Variants in COPE observed in about 807,000 individuals in gnomAD.
The protein encoded by COPE is coatomer subunit epsilon.
COPE carries 19 observed loss-of-function variants against 42.1 expected under a neutral mutation model. That is an observed-to-expected ratio of 0.45 (90% CI 0.31 to 0.66). COPE has a LOEUF of 0.66. Among genes scored for constraint, COPE ranks in the 30% least tolerant of loss-of-function variants. COPE has a pLI of 0.05. For missense variants in COPE, 402 were observed against 416.1 expected, an observed-to-expected ratio of 0.97 and a Z score of 0.30; for synonymous variants, 195 against 181.3, an observed-to-expected ratio of 1.08 and a Z score of -0.60.
chr19:18,912,965 G>C lies in COPE; in HGVS notation c.189+19C>G, dbSNP rs749460373. On this transcript the variant is annotated intron_variant, in intron 2 of 9. Transcript: ENST00000262812. ...TACTCTGTTCATCACTCTTGCCCCC[G>C]GCCAAGGCCCGCACTCACCTGCGCC... 4.3e-6 allele frequency: 7 copies of C among 1,610,486 alleles called. No individual in the cohort carries two copies. Among genetic ancestry groups the C allele is most frequent in the African/African-American group, 2.7e-5 (2 of 74,888 alleles).
chr19:18,902,961 A>G (rs994166233), intron 7 of COPE, among the ~76,000 whole-genome samples: 9 of 151,652 alleles, frequency 5.9e-5, no homozygotes, highest in African/African-American at 2.2e-4. Flanking sequence ...AATACTGAGT[A>G]TGTACTCAGG....
chr19:18,917,373 T>C (rs769803577), intron 1 of COPE, among the ~76,000 whole-genome samples: 3 of 151,780 alleles, frequency 2.0e-5, no homozygotes, highest in African/African-American at 4.8e-5. Flanking sequence ...AATTTCTTTT[T>C]TCTTTTTTTT....
chr19:18,915,194 C>CA (rs1325141563), intron 1 of COPE, among the ~76,000 whole-genome samples: 29 of 152,036 alleles, frequency 1.9e-4, no homozygotes, highest in Non-Finnish European at 5.9e-5. Context: ...GCCTGGGTGA[C>CA]AGAGTGAGAC....
In COPE at chr19:18,907,019, G is replaced by T. The variant is rs11537886; in HGVS notation, c.384C>A (p.Leu128=). Residue 128 remains leucine, a synonymous_variant, in exon 4 of 10, where the codon CTC becomes CTA. Transcript: ENST00000262812. ...TFLLMAASIY[L]HDQNPDAALR... ...GGGCGGCATCCGGGTTCTGGTCGTGGAGATAGATGGAGGCGGCCATGAGCA... is the reference window on the plus strand; with the variant it reads ...GGGCGGCATCCGGGTTCTGGTCGTGTAGATAGATGGAGGCGGCCATGAGCA... 1,019 of 1,596,894 alleles carry T rather than the reference G, an allele frequency of 6.4e-4. 6 individuals are homozygous for T. The African/African-American group carries it at 0.012, about 19-fold the overall frequency.
rs777822797 is a variant in COPE at position 18,899,772 on chromosome 19, G to A, written c.880-46C>T. Reference sequence around the variant, plus strand: ...ACACAGGGTGGGGGCAGGGTGTGGGGAGACAGGTGGAGGGAGAGAGAGAGG... The same window carrying A: ...ACACAGGGTGGGGGCAGGGTGTGGGAAGACAGGTGGAGGGAGAGAGAGAGG... On this transcript the variant is annotated intron_variant, in intron 9 of 9. Coordinates refer to ENST00000262812, the MANE Select transcript of COPE (RefSeq NM_007263.4). The A allele has an allele frequency of 2.5e-6, 4 of 1,612,626 alleles. No homozygotes were observed. The African/African-American group carries it at 4.0e-5, about 16-fold the overall frequency.
rs184668009 is a variant in COPE at position 18,919,307 on chromosome 19, C to T, written c.42G>A (p.Gly14=). ...TTACGTCGAACAGCTCGTCTACCTCCCCGGAGCCGCCGGAGGCCGGGCCGG... is the reference window on the plus strand; with the variant it reads ...TTACGTCGAACAGCTCGTCTACCTCTCCGGAGCCGCCGGAGGCCGGGCCGG... The part of the protein sequence containing the change: ...PAPGPASGGS[G]EVDELFDVKN... The change falls in exon 1 of 10, where the codon GGG becomes GGA. Residue 14 remains glycine (G), a synonymous_variant. Transcript: ENST00000262812. 2 of 1,613,752 alleles carry T rather than the reference C, an allele frequency of 1.2e-6. No homozygotes were observed. Among genetic ancestry groups the T allele is most frequent in the East Asian group, 2.2e-5 (1 of 44,884 alleles).
intron 2 of COPE, among the ~76,000 whole-genome samples, chr19:18,911,586 C>T (rs1028018040): frequency 7.3e-5 from 11 of 151,708 alleles, no homozygotes; most frequent in Admixed American, 2.0e-4. Context: ...GAGTCTCGCT[C>T]TGTCGCCCAG....
At chr19:18,904,990 C>T (rs997801217) in intron 5 of COPE, 138 bp from the exon 6 acceptor site, 9 of 845,244 alleles carry the variant, frequency 1.1e-5, no homozygotes, top group Admixed American at 6.9e-5. Flanking sequence ...TCATACCCCA[C>T]GACTAAGTGC....
At position 18,905,972 on chromosome 19, in the gene COPE, G is replaced by C. The variant is rs1297186259; in HGVS notation, c.444-343C>G. The C allele has an allele frequency of 1.3e-5, 6 of 471,094 alleles. No homozygotes were observed. The East Asian group carries it at 2.1e-4, about 17-fold the overall frequency. The allele number at this position is 471,094 out of a possible 1,614,324, so 29.2% of individuals were successfully genotyped here. ...AACACTCAGGAACAAGGCCCTAGAG[G>C]AGGGCCACGCACCCGCCCCTGCACC... On this transcript the variant is annotated intron_variant, in intron 4 of 9. Transcript: ENST00000262812.
intron 4 of COPE, among the ~76,000 whole-genome samples, chr19:18,906,418 GAA>G (rs1416030802): frequency 6.6e-6 from 1 of 152,262 alleles, no homozygotes; most frequent in Non-Finnish European, 1.5e-5. Context: ...CAGCGACCAT[GAA>G]ATGCCCAGCT....
chr19:18,909,519 CTTTTTTTTTT>C (rs59105113), intron 3 of COPE, among the ~76,000 whole-genome samples: 3 of 133,824 alleles, frequency 2.2e-5, no homozygotes, highest in African/African-American at 8.5e-5. Flanking sequence ...GGCCTCTTTC[CTTTTTTTTTT>C]TTTTTTTTTA....
In COPE at chr19:18,910,894, C is replaced by A. The variant is rs905276520; in HGVS notation, c.290+77G>T. 2.3e-6 allele frequency: 3 copies of A among 1,301,720 alleles called. No homozygotes were observed. The African/African-American group carries it at 4.4e-5, about 19-fold the overall frequency. 80.6% of individuals were successfully genotyped at this position (1,301,720 alleles called of 1,614,324 possible). On this transcript the variant is annotated intron_variant, in intron 3 of 9. Coordinates refer to ENST00000262812, the MANE Select transcript of COPE (RefSeq NM_007263.4). ...TGCTGTGCGCTGCACGCCATGCCCC[C>A]ACCCACCCAGGTTCATAACCAACAG...
At chr19:18,918,060 C>T (rs2056871142) in intron 1 of COPE, among the ~76,000 whole-genome samples, 1 of 151,188 alleles carries the variant, frequency 6.6e-6, no homozygotes, top group South Asian at 2.1e-4. Flanking sequence ...CATGGTGGCG[C>T]GCGCCTGTAA....
Position 18,919,276 on chromosome 19 carries a change from C to A in COPE, c.73G>T (p.Ala25Ser). Reference protein sequence around the residue: ...EVDELFDVKNAFYIGSYQQCI... With the variant: ...EVDELFDVKNSFYIGSYQQCI... The stretch of plus-strand genomic sequence containing the variant: ...TGCTGGTAGCTGCCGATGTAGAAGG[C>A]GTTCTTTACGTCGAACAGCTCGTCT... Residue 25 changes from alanine (A) to serine (S), a missense_variant, in exon 1 of 10, where the codon GCC becomes TCC. By Grantham distance (99) the Ala-to-Ser change is moderately conservative (BLOSUM62 1). Coordinates refer to ENST00000262812, the MANE Select transcript of COPE (RefSeq NM_007263.4). The A allele has an allele frequency of 6.2e-7, 1 of 1,613,970 alleles. No homozygotes were observed. Among genetic ancestry groups the A allele is most frequent in the Non-Finnish European group, 8.5e-7 (1 of 1,180,016 alleles).
intron 5 of COPE, 121 bp downstream of exon 5, chr19:18,905,455 C>G: frequency 9.8e-7 from 1 of 1,021,418 alleles, no homozygotes; most frequent in Non-Finnish European, 1.4e-6. Context: ...AAGCCACCCC[C>G]ATGGAAAGGA....
In COPE at chr19:18,919,219, GCACCTT is replaced by G; in HGVS notation, c.124_126+3del. On this transcript the variant is annotated splice_donor_variant and splice_donor_region_variant and coding_sequence_variant and intron_variant, in exon 1 of 10. Coordinates refer to ENST00000262812, the MANE Select transcript of COPE (RefSeq NM_007263.4). LOFTEE classifies it high-confidence loss of function. ...AGCGTCCCCGCGCCCCTGCGCGGCC[GCACCTT>G]CACCCGCTGCGCCTCGTTTATGCAC... The G allele has an allele frequency of 6.2e-7, 1 of 1,608,518 alleles. No individual in the cohort carries two copies. Among genetic ancestry groups the G allele is most frequent in the South Asian group, 1.1e-5 (1 of 90,722 alleles).
intron 6 of COPE, 78 bp from the exon 7 acceptor site, chr19:18,903,501 G>T: frequency 6.7e-7 from 1 of 1,498,136 alleles, no homozygotes; most frequent in Non-Finnish European, 9.0e-7. Flanking sequence ...CCCTAGCGGG[G>T]GGGACTCCAG....
rs749254734 is a variant in COPE at position 18,919,206 on chromosome 19, C to G, written c.126+17G>C. ...CGCCTCCGCCCCCAGCGTCCCCGCG[C>G]CCCTGCGCGGCCGCACCTTCACCCG... On this transcript the variant is annotated intron_variant, in intron 1 of 9. Transcript: ENST00000262812. The G allele has an allele frequency of 1.2e-6, 2 of 1,604,274 alleles. No homozygotes were observed. Among genetic ancestry groups the G allele is most frequent in the African/African-American group, 2.7e-5 (2 of 74,694 alleles).
chr19:18,913,131 A>G, intron 1 of COPE, 85 bp from the exon 2 acceptor site: 1 of 1,190,166 alleles, frequency 8.4e-7, no homozygotes, highest in Non-Finnish European at 1.2e-6. Flanking sequence ...AGGCCCCTGT[A>G]CACTGGGGAC....
Sources: gnomAD v4.1 joint callset for allele counts (sites outside exome capture counted in the v4.1 genomes callset) on GRCh38, gnomAD v4.1.1 for gene constraint, MANE v1.5 for transcripts, NCBI Gene and HGNC (gene_info 2026-07-23, HGNC 2026-07-21) for gene names.